NUDT4: variants seen among roughly 807,000 people sequenced by gnomAD.
NUDT4 encodes the protein diphosphoinositol polyphosphate phosphohydrolase 2.
NUDT4 carries 5 observed loss-of-function variants against 23.1 expected under a neutral mutation model. That is an observed-to-expected ratio of 0.22 (90% confidence interval 0.11 to 0.46). The LOEUF is 0.46. Among genes scored for constraint, NUDT4 ranks in the 20% least tolerant of loss-of-function variants. The pLI is 0.99. For missense variants in NUDT4, 96 were observed against 211.6 expected (o/e 0.45, Z 3.39); for synonymous variants, 50 against 79.0 (o/e 0.63, Z 1.95).
At position 93,400,978 on chromosome 12, in the gene NUDT4, A is replaced by T. The variant is rs1877368227; in HGVS notation, c.*1599A>T. 1 of 152,272 alleles carries T rather than the reference A, an allele frequency of 6.6e-6. No homozygotes were observed. Among genetic ancestry groups the T allele is most frequent in the African/African-American group, 2.4e-5 (1 of 41,486 alleles). 9.4% of individuals were successfully genotyped at this position (152,272 alleles called of 1,614,324 possible). ...ACTGGGGAGTATAGAGTAGAAAAAA[A>T]GTATAGTTAAAACATTTGTTCTACA... On this transcript the variant is annotated 3_prime_UTR_variant, in exon 5 of 5. Transcript: ENST00000415493.
Position 93,385,659 on chromosome 12 carries a change from C to G in NUDT4, c.99+7238C>G, listed in dbSNP as rs373219535. 1.2e-4 allele frequency among the ~76,000 whole-genome samples: 18 copies of G among 151,960 alleles called. No individual in the cohort carries two copies. In the East Asian group the frequency reaches 2.9e-3, roughly 25 times the overall value. ...GGGTGTGATAGAAATGTGTAGATGG[C>G]TGTTGTGTGCGTTTAGAGTGAGTGT... On this transcript the variant is annotated intron_variant, in intron 1 of 4. Transcript: ENST00000415493.
chr12:93,389,327 C>T (rs541149184), intron 1 of NUDT4, among the ~76,000 whole-genome samples: 2 of 152,158 alleles, frequency 1.3e-5, no homozygotes, highest in African/African-American at 2.4e-5. Flanking sequence ...ACAAAATTAG[C>T]TGGGCGTGGT....
chr12:93,397,191 TTTTGTGAA>T (rs1016911833), intron 3 of NUDT4, among the ~76,000 whole-genome samples: 2 of 152,186 alleles, frequency 1.3e-5, no homozygotes, highest in Non-Finnish European at 2.9e-5. Flanking sequence ...TCCCAGTGAT[TTTTGTGAA>T]TTTGTGAATA....
At chr12:93,379,631 C>A (rs556254446) in intron 1 of NUDT4, among the ~76,000 whole-genome samples, 3 of 152,122 alleles carry the variant, frequency 2.0e-5, no homozygotes, top group African/African-American at 7.2e-5. Context: ...GCTCTGTGCT[C>A]ACTCATAACC....
At position 93,396,785 on chromosome 12, in the gene NUDT4, C is replaced by T. The variant is rs147673463; in HGVS notation, c.255+1252C>T. Among the ~76,000 whole-genome samples, 362 of 152,196 alleles carry T rather than the reference C, an allele frequency of 2.4e-3. 2 individuals are homozygous for T. Among genetic ancestry groups the T allele is most frequent in the African/African-American group, 8.4e-3 (347 of 41,518 alleles). On this transcript the variant is annotated intron_variant, in intron 3 of 4. Coordinates refer to ENST00000415493, the MANE Select transcript of NUDT4 (RefSeq NM_019094.6). ...AAAATTAGCCGGGCATGGTGACGCA[C>T]GCCTGTAGTCCCAGCTACTTGGGAG...
intron 1 of NUDT4, chr12:93,380,881 C>T (rs1875614753): frequency 6.6e-6 from 1 of 152,138 alleles, no homozygotes; most frequent in African/African-American, 2.4e-5. Flanking sequence ...TGAAAAACAC[C>T]TAGATCCTGG....
rs558681483 is a variant in NUDT4, at chr12:93,400,771, G to C, written c.*1392G>C. On this transcript the variant is annotated 3_prime_UTR_variant, in exon 5 of 5. Coordinates refer to ENST00000415493, the MANE Select transcript of NUDT4 (RefSeq NM_019094.6). ...ATTACAGGCGCCTGCCTCCATGCCT[G>C]GCTAATTTTGTATTTTTAGTAGAGA... The C allele has an allele frequency of 1.3e-5, 2 of 152,394 alleles. No individual in the cohort carries two copies. The highest frequency in any genetic ancestry group is 4.8e-5 in the African/African-American group (2 of 41,604). 9.4% of individuals were successfully genotyped at this position (152,394 alleles called of 1,614,324 possible). A position where few individuals can be genotyped will look rare whatever the true frequency, so the allele number is the denominator to read the frequency against.
intron 1 of NUDT4, chr12:93,385,254 A>G (rs1273813181): frequency 6.6e-6 from 1 of 152,234 alleles, no homozygotes; most frequent in Non-Finnish European, 1.5e-5. Flanking sequence ...GCTTATGCGA[A>G]GATAGGTTGA....
At chr12:93,396,041 A>T (rs989510388) in intron 3 of NUDT4, among the ~76,000 whole-genome samples, 1 of 152,158 alleles carries the variant, frequency 6.6e-6, no homozygotes, top group African/African-American at 2.4e-5. Flanking sequence ...ATATAGCATT[A>T]TTATGGTAGT....
intron 1 of NUDT4, among the ~76,000 whole-genome samples, chr12:93,389,618 A>G (rs1439693280): frequency 6.6e-6 from 1 of 151,976 alleles, no homozygotes; most frequent in Non-Finnish European, 1.5e-5. Flanking sequence ...AATCTGAAGC[A>G]TAGACCGGGC....
intron 1 of NUDT4, among the ~76,000 whole-genome samples, chr12:93,392,692 G>T (rs1455425341): frequency 1.0e-5 from 1 of 100,106 alleles, no homozygotes; most frequent in Non-Finnish European, 1.9e-5. Flanking sequence ...TTTCCCCCGA[G>T]ATGGAGTCTT....
chr12:93,395,120 A>G (rs1876841040), intron 2 of NUDT4, among the ~76,000 whole-genome samples: 1 of 152,140 alleles, frequency 6.6e-6, no homozygotes, highest in Non-Finnish European at 1.5e-5. Flanking sequence ...AAGTGCTGGG[A>G]TTACAGGCGT....
At chr12:93,379,420 T>C (rs984394001) in intron 1 of NUDT4, among the ~76,000 whole-genome samples, 3 of 148,934 alleles carry the variant, frequency 2.0e-5, no homozygotes, top group African/African-American at 7.3e-5. Flanking sequence ...CAACCGTGTA[T>C]AAAATACTAG....
At chr12:93,391,970 G>A (rs1223564682) in intron 1 of NUDT4, among the ~76,000 whole-genome samples, 1 of 151,714 alleles carries the variant, frequency 6.6e-6, no homozygotes, top group Non-Finnish European at 1.5e-5. Flanking sequence ...TGCAACCTTC[G>A]CTTCCTGAAT....
rs564944849 is a variant in NUDT4 at position 93,406,350 on chromosome 12, T to C, written c.*6971T>C. On this transcript the variant is annotated 3_prime_UTR_variant, in exon 5 of 5. Transcript: ENST00000415493. ...AGAAAAATGAGGCCTATTCCTATCA[T>C]TTCCTCGATCCAATTTAGTTCCACT... 2.6e-4 allele frequency: 39 copies of C among 148,454 alleles called. No homozygotes were observed. The highest frequency in any genetic ancestry group is 8.7e-4 in the African/African-American group (35 of 40,416). The allele number at this position is 148,454 out of a possible 1,614,324, so 9.2% of individuals were successfully genotyped here.
intron 3 of NUDT4, among the ~76,000 whole-genome samples, chr12:93,396,107 C>T (rs1210962830): frequency 6.6e-6 from 1 of 152,126 alleles, no homozygotes; most frequent in African/African-American, 2.4e-5. Context: ...TATCTTAATC[C>T]ACTGTAGACT....
At chr12:93,391,012 A>G (rs766438269) in intron 1 of NUDT4, among the ~76,000 whole-genome samples, 7 of 152,124 alleles carry the variant, frequency 4.6e-5, no homozygotes, top group Non-Finnish European at 8.8e-5. Flanking sequence ...GAAACTTTCC[A>G]GTTTGGAAAA....
At chr12:93,383,796 C>T (rs568622004) in intron 1 of NUDT4, among the ~76,000 whole-genome samples, 2 of 152,336 alleles carry the variant, frequency 1.3e-5, no homozygotes, top group Non-Finnish European at 2.9e-5. Flanking sequence ...TGCGCCACTG[C>T]ACTCCAGCCT....
rs1171985311 is a variant in NUDT4 at position 93,406,730 on chromosome 12, TA to T, written c.*7353del. 4.6e-5 allele frequency: 7 copies of T among 152,302 alleles called. No individual in the cohort carries two copies. Among genetic ancestry groups the T allele is most frequent in the Admixed American group, 4.6e-4 (7 of 15,290 alleles). The allele number at this position is 152,302 out of a possible 1,614,324, so 9.4% of individuals were successfully genotyped here. A position where few individuals can be genotyped will look rare whatever the true frequency, so the allele number is the denominator to read the frequency against. ...ATTATAAGTAATCTAAATATTAACA[TA>T]AGCGGGAGGATTTGTGTAGATTGTA... On this transcript the variant is annotated 3_prime_UTR_variant, in exon 5 of 5. Coordinates refer to ENST00000415493, the MANE Select transcript of NUDT4 (RefSeq NM_019094.6).
Sources: gnomAD v4.1 joint callset for allele counts (sites outside exome capture counted in the v4.1 genomes callset) on GRCh38, gnomAD v4.1.1 for gene constraint, MANE v1.5 for transcripts, NCBI Gene and HGNC (gene_info 2026-07-23, HGNC 2026-07-21) for gene names.